Variants in COBL observed in about 807,000 individuals in gnomAD.
COBL encodes cordon-bleu WH2 repeat protein, also known as protein cordon-bleu.
Under a neutral mutation model 98.8 loss-of-function variants are expected in COBL, and 51 were observed. That is an observed-to-expected ratio of 0.52 (90% confidence interval 0.41 to 0.65). COBL has a LOEUF of 0.65. Among genes scored for constraint, COBL ranks in the 30% least tolerant of loss-of-function variants. The pLI is 0.00. For synonymous variants in COBL, 634 were observed against 651.7 expected (o/e 0.97, Z 0.41); for missense variants, 1,617 against 1,617.5 (o/e 1.00, Z 0.01).
intron 7 of COBL, among the ~76,000 whole-genome samples, chr7:51,050,564 G>A (rs1044628506): frequency 6.6e-6 from 1 of 152,178 alleles, no homozygotes; most frequent in Non-Finnish European, 1.5e-5. Flanking sequence ...GTTCCATGCT[G>A]GACCAATCAA....
intron 6 of COBL, among the ~76,000 whole-genome samples, chr7:51,096,989 T>G (rs1286531383): frequency 6.6e-6 from 1 of 152,202 alleles, no homozygotes; most frequent in Non-Finnish European, 1.5e-5. Context: ...AGACTCATTT[T>G]ATGATGCCAG....
chr7:51,173,320 A>G (rs1788061615), intron 5 of COBL, among the ~76,000 whole-genome samples: 1 of 152,002 alleles, frequency 6.6e-6, no homozygotes, highest in Non-Finnish European at 1.5e-5. Context: ...AGCTGGGACT[A>G]CAGGCACATG....
intron 12 of COBL, among the ~76,000 whole-genome samples, chr7:51,024,035 C>A (rs988593819): frequency 6.6e-6 from 1 of 152,170 alleles, no homozygotes; most frequent in South Asian, 2.1e-4. Flanking sequence ...CTTTGCCGGG[C>A]GCAGTGGCTC....
intron 5 of COBL, among the ~76,000 whole-genome samples, chr7:51,139,082 AT>A (rs986281663): frequency 2.8e-4 from 42 of 151,920 alleles, no homozygotes; most frequent in African/African-American, 6.3e-4. Flanking sequence ...TTAATTCATA[AT>A]TTTTTTTGCT....
chr7:51,100,639 G>A (rs928647632), intron 6 of COBL, among the ~76,000 whole-genome samples: 7 of 152,198 alleles, frequency 4.6e-5, no homozygotes, highest in African/African-American at 9.6e-5. Flanking sequence ...AGTGGCTCAC[G>A]CCAGTAATCC....
rs1032810567 is a variant in COBL at position 51,195,557 on chromosome 7, C to T, written c.246-1968G>A. Among the ~76,000 whole-genome samples, 3 of 152,132 alleles carry T rather than the reference C, an allele frequency of 2.0e-5. No homozygotes were observed. The East Asian group carries it at 5.8e-4, about 29-fold the overall frequency. On this transcript the variant is annotated intron_variant, in intron 2 of 12. Coordinates refer to ENST00000265136, the MANE Select transcript of COBL (RefSeq NM_015198.5). ...TTTTTTCTAGTTCTGTGAAGAATGTCATTGATAGTTTAATAGGCATAGCAT... is the reference window on the plus strand; with the variant it reads ...TTTTTTCTAGTTCTGTGAAGAATGTTATTGATAGTTTAATAGGCATAGCAT...
chr7:51,052,541 T>A (rs978056403), intron 7 of COBL, among the ~76,000 whole-genome samples: 2 of 152,170 alleles, frequency 1.3e-5, no homozygotes, highest in African/African-American at 4.8e-5. Context: ...TGGATGGCCA[T>A]CCCTGCTGGC....
chr7:51,075,715 T>TA (rs1309214419), intron 7 of COBL, among the ~76,000 whole-genome samples: 1 of 152,214 alleles, frequency 6.6e-6, no homozygotes, highest in Non-Finnish European at 1.5e-5. Context: ...AGGGACATTG[T>TA]ACCTTGTAAA....
chr7:51,233,045 T>C (rs547943507), intron 1 of COBL, among the ~76,000 whole-genome samples: 137 of 152,300 alleles, frequency 9.0e-4, no homozygotes, highest in Middle Eastern at 3.4e-3. Context: ...ACAAGAGGTA[T>C]AAGAGAAAAT....
At chr7:51,201,349 A>C (rs1791109276) in intron 2 of COBL, among the ~76,000 whole-genome samples, 2 of 152,192 alleles carry the variant, frequency 1.3e-5, no homozygotes, top group South Asian at 4.1e-4. Flanking sequence ...CACAAGTGAC[A>C]AACGTCATTA....
intron 1 of COBL, among the ~76,000 whole-genome samples, chr7:51,314,633 T>C (rs1419492736): frequency 2.6e-5 from 4 of 152,248 alleles, no homozygotes; most frequent in African/African-American, 9.6e-5. Flanking sequence ...GATATTAACA[T>C]TTTCTTGATG....
chr7:51,121,734 A>T (rs1005374779), intron 6 of COBL, among the ~76,000 whole-genome samples: 8 of 152,232 alleles, frequency 5.3e-5, no homozygotes, highest in Non-Finnish European at 7.3e-5. Flanking sequence ...CTGCAAATTT[A>T]AAATCCTGAT....
chr7:51,213,806 T>A (rs887493801), intron 2 of COBL, among the ~76,000 whole-genome samples: 1 of 151,882 alleles, frequency 6.6e-6, no homozygotes, highest in Admixed American at 6.6e-5. Context: ...GTGTCAGACC[T>A]CAGAGAGTTG....
At position 51,065,413 on chromosome 7, in the gene COBL, C is replaced by G. The variant is rs1040761198; in HGVS notation, c.1096+19753G>C. 5 of 702,840 alleles carry G rather than the reference C, an allele frequency of 7.1e-6. No homozygotes were observed. The Admixed American group carries it at 8.0e-5, about 11-fold the overall frequency. The allele number at this position is 702,840 out of a possible 1,614,324, so 43.5% of individuals were successfully genotyped here. A position where few individuals can be genotyped will look rare whatever the true frequency, so the allele number is the denominator to read the frequency against. On this transcript the variant is annotated intron_variant, in intron 7 of 12. Coordinates refer to ENST00000265136, the MANE Select transcript of COBL (RefSeq NM_015198.5). ...CGGGGCTGTGGTATTCAGAAGCAAG[C>G]TCAGAAGTCTTATCACAGCTTCAGC...
chr7:51,017,305 T>C lies in COBL; in HGVS notation c.*246A>G, dbSNP rs1430865455. On this transcript the variant is annotated 3_prime_UTR_variant, in exon 13 of 13. Transcript: ENST00000265136. The stretch of plus-strand genomic sequence containing the variant: ...TTAACCTGCCAACAAGAATCGTTTA[T>C]TAGCAACTTAAGATATTCAGAGGCA... 12 of 593,454 alleles carry C rather than the reference T, an allele frequency of 2.0e-5. No homozygotes were observed. Among genetic ancestry groups the C allele is most frequent in the Non-Finnish European group, 3.6e-5 (12 of 333,258 alleles). The allele number at this position is 593,454 out of a possible 1,614,324, so 36.8% of individuals were successfully genotyped here. A position where few individuals can be genotyped will look rare whatever the true frequency, so the allele number is the denominator to read the frequency against.
chr7:51,305,283 CA>C (rs1802354165), intron 1 of COBL, among the ~76,000 whole-genome samples: 1 of 152,208 alleles, frequency 6.6e-6, no homozygotes, highest in East Asian at 1.9e-4. Flanking sequence ...AGCGTAAACA[CA>C]AGCCATGCTT....
intron 1 of COBL, among the ~76,000 whole-genome samples, chr7:51,309,030 G>T (rs940445441): frequency 6.6e-6 from 1 of 152,138 alleles, no homozygotes; most frequent in Non-Finnish European, 1.5e-5. Context: ...ACTGTCAGGG[G>T]CACCCCTTCC....
Position 51,029,278 on chromosome 7 carries a change from G to A in COBL, c.1818C>T (p.Asp606=), listed in dbSNP as rs1787921983. The A allele has an allele frequency of 5.6e-6, 9 of 1,607,002 alleles. No individual in the cohort carries two copies. The highest frequency in any genetic ancestry group is 2.7e-5 in the African/African-American group (2 of 74,850). The change falls in exon 10 of 13, where the codon GAC becomes GAT. Residue 606 remains aspartate, a synonymous_variant. Transcript: ENST00000265136. ...AGGCCACACGGATTCCTTTTCCGAC[G>A]TCATGGGAAGCGGGGTGCAGGGCAG... ...EVPALHPASH[D]VGKGIRVALS...
At chr7:51,130,866 C>T (rs1465854068) in intron 6 of COBL, among the ~76,000 whole-genome samples, 1 of 152,232 alleles carries the variant, frequency 6.6e-6, no homozygotes, top group East Asian at 1.9e-4. Context: ...CTAACATACA[C>T]AGATCGTCCT....
Sources: gnomAD v4.1 joint callset for allele counts (sites outside exome capture counted in the v4.1 genomes callset) on GRCh38, gnomAD v4.1.1 for gene constraint, MANE v1.5 for transcripts, NCBI Gene and HGNC (gene_info 2026-07-23, HGNC 2026-07-21) for gene names.